The following KLF7 variants were observed in gnomAD, a reference collection of about 807,000 sequenced individuals.
KLF7 encodes the protein Krueppel-like factor 7.
KLF7 carries 2 observed loss-of-function variants against 27.3 expected under a neutral mutation model. The observed-to-expected ratio is 0.07, with a 90% CI of 0.03 to 0.23. KLF7 has a LOEUF of 0.23. KLF7 is among the 10% of genes least tolerant of loss of function. The probability of loss-of-function intolerance (pLI) is 1.00; values close to 1 mark genes in which losing one functional copy is unlikely to be tolerated. For missense variants in KLF7, 221 were observed against 394.1 expected (o/e 0.56, Z 3.72); for synonymous variants, 165 against 162.4 (o/e 1.02, Z -0.12).
chr2:207,082,437 A>G (rs1480461316), intron 3 of KLF7, among the ~76,000 whole-genome samples: 2 of 152,220 alleles, frequency 1.3e-5, no homozygotes, highest in Non-Finnish European at 2.9e-5. Flanking sequence ...GAGAAGCTGG[A>G]TCCAACGAAG....
intron 2 of KLF7, among the ~76,000 whole-genome samples, chr2:207,109,425 C>CAT (rs1325536377): frequency 6.6e-6 from 1 of 152,142 alleles, no homozygotes; most frequent in Non-Finnish European, 1.5e-5. Context: ...AAAGGAAAAA[C>CAT]AGAGTAGGGC....
chr2:207,165,446 CAAGT>C lies in KLF7; in HGVS notation c.102+17_102+20del, dbSNP rs763888845. The C allele has an allele frequency of 6.2e-7, 1 of 1,614,078 alleles. No homozygotes were observed. The highest frequency in any genetic ancestry group is 1.1e-5 in the South Asian group (1 of 91,080). On this transcript the variant is annotated intron_variant, in intron 1 of 3. Transcript: ENST00000309446. ...CTCCGCCGCCACCACACGATTTACACAAGTAATTTAAATCATTCACCTGCTGCCA... is the reference window on the plus strand; with the variant it reads ...CTCCGCCGCCACCACACGATTTACACAATTTAAATCATTCACCTGCTGCCA...
At chr2:207,128,014 T>C (rs2077527734) in intron 1 of KLF7, among the ~76,000 whole-genome samples, 1 of 152,178 alleles carries the variant, frequency 6.6e-6, no homozygotes, top group South Asian at 2.1e-4. Context: ...CAGGCAAAGA[T>C]AACCCCAGGA....
intron 3 of KLF7, among the ~76,000 whole-genome samples, chr2:207,082,992 AG>A (rs1481846107): frequency 6.6e-6 from 1 of 152,228 alleles, no homozygotes; most frequent in Non-Finnish European, 1.5e-5. Flanking sequence ...AAATGCGAAA[AG>A]TACAACTGAA....
At chr2:207,140,892 T>C (rs1574546899) in intron 1 of KLF7, among the ~76,000 whole-genome samples, 1 of 152,250 alleles carries the variant, frequency 6.6e-6, no homozygotes, top group East Asian at 1.9e-4. Context: ...ACCAAATCCT[T>C]CAACTTTGAG....
chr2:207,134,514 T>C (rs751657757), intron 1 of KLF7, among the ~76,000 whole-genome samples: 1 of 152,172 alleles, frequency 6.6e-6, no homozygotes, highest in Non-Finnish European at 1.5e-5. Context: ...GGAATGTTTC[T>C]TCTACTCAGA....
intron 1 of KLF7, among the ~76,000 whole-genome samples, chr2:207,160,974 T>G (rs1217179147): frequency 1.3e-5 from 2 of 152,210 alleles, no homozygotes; most frequent in African/African-American, 4.8e-5. Context: ...GGGAAGTTCA[T>G]GGAGAACAAA....
chr2:207,161,252 T>C (rs1407078163), intron 1 of KLF7, among the ~76,000 whole-genome samples: 1 of 152,206 alleles, frequency 6.6e-6, no homozygotes, highest in African/African-American at 2.4e-5. Context: ...AAAGATAAAT[T>C]CTGGGTAACG....
chr2:207,100,895 G>A (rs905136422), intron 2 of KLF7, among the ~76,000 whole-genome samples: 11 of 152,188 alleles, frequency 7.2e-5, no homozygotes, highest in African/African-American at 2.2e-4. Flanking sequence ...GTATGTCCAG[G>A]CACTGGGCTA....
At chr2:207,114,688 A>T (rs1450713745) in intron 2 of KLF7, among the ~76,000 whole-genome samples, 5 of 152,180 alleles carry the variant, frequency 3.3e-5, no homozygotes, top group Admixed American at 3.3e-4. Flanking sequence ...TATAGTCCTT[A>T]TTACAAAACA....
At chr2:207,097,901 A>G (rs960935178) in intron 2 of KLF7, among the ~76,000 whole-genome samples, 4 of 152,126 alleles carry the variant, frequency 2.6e-5, no homozygotes, top group Admixed American at 6.5e-5. Context: ...TAGTGGGCTG[A>G]GTGAGGTTTA....
intron 2 of KLF7, among the ~76,000 whole-genome samples, chr2:207,093,826 C>G (rs910599877): frequency 5.9e-5 from 9 of 152,318 alleles, no homozygotes; most frequent in African/African-American, 2.2e-4. Flanking sequence ...AGGTATTAAA[C>G]TGGTTTACGA....
chr2:207,123,135 G>A (rs1236189822), intron 2 of KLF7, among the ~76,000 whole-genome samples: 3 of 148,322 alleles, frequency 2.0e-5, no homozygotes, highest in Middle Eastern at 3.5e-3. Flanking sequence ...TCCCCCACCC[G>A]CTCTTGCCAC....
chr2:207,127,769 G>C (rs1344875678), intron 1 of KLF7, among the ~76,000 whole-genome samples: 1 of 150,114 alleles, frequency 6.7e-6, no homozygotes, highest in African/African-American at 2.4e-5. Flanking sequence ...CTTGAACCCA[G>C]GAGGTGGAGG....
Position 207,123,848 on chromosome 2 carries a change from C to T in KLF7, c.659G>A (p.Arg220His). The T allele has an allele frequency of 6.2e-7, 1 of 1,614,078 alleles. No homozygotes were observed. Among genetic ancestry groups the T allele is most frequent in the Non-Finnish European group, 8.5e-7 (1 of 1,180,026 alleles). ...ACPENKKRVH[R>H]CQFNGCRKVY... ...TTTCCGGCACCCGTTAAACTGACAG[C>T]GGTGAACCCTCTTCTTGTTTTCGGG... The change falls in exon 2 of 4, where the codon CGC becomes CAC. Residue 220 changes from arginine (R) to histidine (H), a missense_variant. Arg to His is a conservative substitution (Grantham distance 29). This residue lies in a region of KLF7 where 30 missense variants were observed against 115.4 expected (regional missense o/e 0.26). Coordinates refer to ENST00000309446, the MANE Select transcript of KLF7 (RefSeq NM_003709.4).
intron 2 of KLF7, among the ~76,000 whole-genome samples, chr2:207,090,146 A>C (rs1423912056): frequency 6.6e-6 from 1 of 152,236 alleles, no homozygotes; most frequent in South Asian, 2.1e-4. Flanking sequence ...AAGGGGAACG[A>C]GAAACACGGG....
intron 1 of KLF7, among the ~76,000 whole-genome samples, chr2:207,156,969 C>T (rs1410987369): frequency 1.3e-5 from 2 of 152,082 alleles, no homozygotes; most frequent in East Asian, 1.9e-4. Flanking sequence ...CACTGATGCC[C>T]GGGTCCTTCC....
chr2:207,107,844 C>T (rs1049841189), intron 2 of KLF7, among the ~76,000 whole-genome samples: 6 of 152,214 alleles, frequency 3.9e-5, no homozygotes, highest in Non-Finnish European at 5.9e-5. Flanking sequence ...GACCCAGAGA[C>T]CTCAAAACTT....
chr2:207,105,068 C>T (rs895284073), intron 2 of KLF7, among the ~76,000 whole-genome samples: 2 of 152,098 alleles, frequency 1.3e-5, no homozygotes, highest in Admixed American at 1.3e-4. Context: ...TCAGAGAATA[C>T]CTCATATTAA....
Sources: gnomAD v4.1 joint callset for allele counts (sites outside exome capture counted in the v4.1 genomes callset) on GRCh38, gnomAD v4.1.1 for gene constraint, gnomAD v4.1.1 regional missense constraint, MANE v1.5 for transcripts, NCBI Gene and HGNC (gene_info 2026-07-23, HGNC 2026-07-21) for gene names.